Variants in RMP24 observed in about 807,000 individuals in gnomAD.
RMP24 encodes ribonuclease MRP subunit p24.
chr18:35,977,311 G>T, the RMP24 span: 5 of 1,092,244 alleles, frequency 4.6e-6, no homozygotes, highest in East Asian at 1.3e-4. Context: ...TATAGTATCT[G>T]GTGTAGTCCC....
chr18:35,975,708 A>G, the RMP24 span, among the ~76,000 whole-genome samples: 2 of 152,246 alleles, frequency 1.3e-5, no homozygotes, highest in Admixed American at 6.5e-5. Context: ...TGCATATTTT[A>G]TGTTAACATT....
chr18:35,974,946 G>C, the RMP24 span: 2 of 1,614,108 alleles, frequency 1.2e-6, no homozygotes, highest in South Asian at 2.2e-5. Flanking sequence ...CCAGCTGTTG[G>C]TTCTGGATAA....
the RMP24 span, chr18:35,973,465 C>T: frequency 2.1e-5 from 3 of 144,522 alleles, no homozygotes; most frequent in African/African-American, 8.0e-5. Context: ...AAAACCTGAG[C>T]TTTAACCCCC....
chr18:35,976,356 A>G, the RMP24 span, among the ~76,000 whole-genome samples: 111 of 152,172 alleles, frequency 7.3e-4, 1 homozygote, highest in Non-Finnish European at 1.4e-3. Context: ...CAAAAAGTGT[A>G]AAGCAACATA....
the RMP24 span, chr18:35,972,699 C>A: frequency 1.3e-5 from 20 of 1,587,708 alleles, no homozygotes; most frequent in Admixed American, 3.6e-4. Flanking sequence ...ACCTGGTTCC[C>A]GCGGCGAGCC....
At chr18:35,977,506 A>T in the RMP24 span, 1 of 1,614,204 alleles carries the variant, frequency 6.2e-7, no homozygotes, top group Non-Finnish European at 8.5e-7. Flanking sequence ...CACTCCTACA[A>T]GTAAACTCAG....
At chr18:35,979,015 T>G in the RMP24 span, 1 of 1,558,622 alleles carries the variant, frequency 6.4e-7, no homozygotes, top group Non-Finnish European at 8.6e-7. Context: ...AAGAAATGCC[T>G]GATGTCAATT....
chr18:35,973,240 AG>A, the RMP24 span: 1 of 461,382 alleles, frequency 2.2e-6, no homozygotes, highest in Non-Finnish European at 4.0e-6. Flanking sequence ...GTCGTGGCCC[AG>A]TACTCAGCCC....
the RMP24 span, among the ~76,000 whole-genome samples, chr18:35,974,376 C>T: frequency 6.6e-6 from 1 of 152,174 alleles, no homozygotes; most frequent in African/African-American, 2.4e-5. Context: ...TTAATTGTCA[C>T]TTAGTGAATA....
At chr18:35,979,126 G>A in the RMP24 span, 1 of 1,007,346 alleles carries the variant, frequency 9.9e-7, no homozygotes, top group Non-Finnish European at 1.4e-6. Context: ...ATCCTTCAGT[G>A]TTTATGGGGA....
At chr18:35,972,682 T>C in the RMP24 span, 3 of 1,563,196 alleles carry the variant, frequency 1.9e-6, no homozygotes, top group Non-Finnish European at 2.6e-6. Context: ...CGGCGCCCTA[T>C]TTTCTCACCT....
the RMP24 span, chr18:35,974,966 G>A: frequency 1.2e-6 from 2 of 1,614,026 alleles, no homozygotes; most frequent in African/African-American, 1.3e-5. Flanking sequence ...ACTCTCGAGT[G>A]CGTCTCAAAC....
the RMP24 span, among the ~76,000 whole-genome samples, chr18:35,976,137 GATTT>G: frequency 2.0e-5 from 2 of 100,920 alleles, no homozygotes; most frequent in Non-Finnish European, 4.2e-5. Context: ...TTGTTTTTCT[GATTT>G]TTTTTTTTTT....
At chr18:35,979,126 GT>G in the RMP24 span, 82 of 1,007,346 alleles carry the variant, frequency 8.1e-5, 1 homozygote, top group African/African-American at 1.3e-3. Flanking sequence ...ATCCTTCAGT[GT>G]TTATGGGGAA....
the RMP24 span, chr18:35,972,997 C>G: frequency 6.6e-7 from 1 of 1,519,978 alleles, no homozygotes; most frequent in Non-Finnish European, 9.1e-7. Flanking sequence ...CCGATGGACT[C>G]ACTTCCCTCC....
At chr18:35,979,220 G>A in the RMP24 span, 1 of 404,202 alleles carries the variant, frequency 2.5e-6, no homozygotes, top group Non-Finnish European at 4.4e-6. Flanking sequence ...AAAGTTCCTT[G>A]TAGATACATA....
the RMP24 span, chr18:35,975,210 A>G: frequency 3.7e-6 from 3 of 801,604 alleles, no homozygotes; most frequent in East Asian, 8.1e-5. Flanking sequence ...GTATATTTGG[A>G]TTATCAAAAT....
At chr18:35,972,877 T>A in the RMP24 span, 2 of 1,614,182 alleles carry the variant, frequency 1.2e-6, no homozygotes, top group African/African-American at 1.3e-5. Context: ...TCTCTTTCTC[T>A]TTTACAGCTG....
At chr18:35,978,706 A>T in the RMP24 span, 1 of 787,808 alleles carries the variant, frequency 1.3e-6, no homozygotes, top group Non-Finnish European at 1.9e-6. Context: ...AGGAAATCTA[A>T]CTGAACAGGG....
Sources: allele counts gnomAD v4.1 joint callset (sites outside exome capture counted in the v4.1 genomes callset), GRCh38; gene constraint gnomAD v4.1.1; transcripts MANE v1.5; gene names NCBI Gene and HGNC (gene_info 2026-07-23, HGNC 2026-07-21).